The following ATP7B variants were observed in gnomAD, a reference collection of about 807,000 sequenced individuals.
ATP7B encodes copper-transporting ATPase 2.
Under a neutral mutation model 118.9 loss-of-function variants are expected in ATP7B, and 113 were observed. That is an observed-to-expected ratio of 0.95 (90% confidence interval 0.82 to 1.11). ATP7B has a LOEUF of 1.11. Ranked by LOEUF, ATP7B falls within the 50% of genes most tolerant of loss-of-function variation. The probability of loss-of-function intolerance (pLI) is 0.00; values close to 1 mark genes in which losing one functional copy is unlikely to be tolerated. For synonymous variants in ATP7B, 777 were observed against 727.4 expected (o/e 1.07, Z -1.10); for missense variants, 1,867 against 1,871.4 (o/e 1.00, Z 0.04).
At position 51,949,774 on chromosome 13, in the gene ATP7B, T is replaced by G. The variant is rs1245497484; in HGVS notation, c.2753A>C (p.Asp918Ala). The G allele has an allele frequency of 1.2e-6, 2 of 1,613,872 alleles. No individual in the cohort carries two copies. The highest frequency in any genetic ancestry group is 1.7e-6 in the Non-Finnish European group (2 of 1,180,028). Residue 918 changes from aspartate (D) to alanine (A), a missense_variant, in exon 12 of 21, where the codon GAC (aspartate) becomes GCC (alanine). Transcript: ENST00000242839. ...MSKAPIQQLADRFSGYFVPFI... is the reference protein window; with the variant it reads ...MSKAPIQQLAARFSGYFVPFI... Reference sequence around the variant, plus strand: ...TGGGACAAAATATCCACTAAACCGGTCAGCCAGCTGCTGAATGGGTGCCTA... The same window carrying G: ...TGGGACAAAATATCCACTAAACCGGGCAGCCAGCTGCTGAATGGGTGCCTA...
chr13:51,996,986 C>T (rs1432454336), intron 1 of ATP7B, among the ~76,000 whole-genome samples: 1 of 152,186 alleles, frequency 6.6e-6, no homozygotes, highest in African/African-American at 2.4e-5. Context: ...TGCTAAAGGC[C>T]TTGAGCCCCA....
intron 1 of ATP7B, among the ~76,000 whole-genome samples, chr13:52,009,495 C>A (rs772163605): frequency 5.9e-5 from 9 of 152,168 alleles, no homozygotes; most frequent in Non-Finnish European, 1.3e-4. Flanking sequence ...CTGTTTTTGG[C>A]CAAGCTTAGA....
At position 51,932,873 on chromosome 13, in the gene ATP7B, T is replaced by C. The variant is rs1238126618; in HGVS notation, c.*1883A>G. On this transcript the variant is annotated 3_prime_UTR_variant, in exon 21 of 21. Transcript: ENST00000242839. ...TAAAAATCAACAGAATTAGATTCTT[T>C]AGATAATGATCAGCCTAGTCAGAAA... The C allele has an allele frequency of 1.3e-5, 2 of 152,192 alleles. No individual in the cohort carries two copies. The highest frequency in any genetic ancestry group is 4.8e-5 in the African/African-American group (2 of 41,440). The allele number at this position is 152,192 out of a possible 1,614,324, so 9.4% of individuals were successfully genotyped here. A position where few individuals can be genotyped will look rare whatever the true frequency, so the allele number is the denominator to read the frequency against.
rs532259736 is a variant in ATP7B, at chr13:51,992,131, T to TA, written c.52-16964dup. On this transcript the variant is annotated intron_variant, in intron 1 of 20. Transcript: ENST00000242839. ...TGTACTCTGCATTGTGTAAGAAATG[T>TA]AAAAAAAAAAAAAAAGAAATGTAAA... Among the ~76,000 whole-genome samples the TA allele has an allele frequency of 7.3e-3, 913 of 125,420 alleles. 7 individuals are homozygous for TA. The highest frequency in any genetic ancestry group is 0.042 in the East Asian group (193 of 4,560). 82.3% of individuals were successfully genotyped at this position (125,420 alleles called of 152,430 possible).
At chr13:51,989,020 C>G (rs968951437) in intron 1 of ATP7B, among the ~76,000 whole-genome samples, 1 of 151,938 alleles carries the variant, frequency 6.6e-6, no homozygotes, top group Non-Finnish European at 1.5e-5. Context: ...CAAACCTGCA[C>G]GTTCTGCACA....
intron 1 of ATP7B, among the ~76,000 whole-genome samples, chr13:51,991,685 C>T (rs1304578007): frequency 1.3e-5 from 2 of 152,106 alleles, no homozygotes; most frequent in African/African-American, 2.4e-5. Flanking sequence ...TAAGGAGGGG[C>T]TAGAGAAGGG....
At chr13:51,951,881 G>A (rs760502651) in intron 9 of ATP7B, among the ~76,000 whole-genome samples, 19 of 152,212 alleles carry the variant, frequency 1.2e-4, no homozygotes, top group Non-Finnish European at 1.8e-4. Flanking sequence ...AAATACTGGT[G>A]AGAGACTGAA....
In ATP7B at chr13:51,969,260, G is replaced by C. The variant is rs931877209; in HGVS notation, c.1544-653C>G. Among the ~76,000 whole-genome samples the C allele has an allele frequency of 5.9e-5, 9 of 152,034 alleles. 2 individuals carry two copies. In the South Asian group the frequency reaches 1.9e-3, roughly 32 times the overall value. On this transcript the variant is annotated intron_variant, in intron 3 of 20. Coordinates refer to ENST00000242839, the MANE Select transcript of ATP7B (RefSeq NM_000053.4). ...ATCACCCGAGGACCTTGTTAAAATA[G>C]AGCTTCTGACTAGTCGGTCTAGGAT...
chr13:51,965,603 T>A (rs1030713151), intron 4 of ATP7B, among the ~76,000 whole-genome samples: 1 of 152,016 alleles, frequency 6.6e-6, no homozygotes, highest in South Asian at 2.1e-4. Flanking sequence ...AAATAGGCTA[T>A]TGACAAGTGA....
intron 20 of ATP7B, 125 bp from the exon 21 acceptor site, chr13:51,935,154 C>G: frequency 7.3e-7 from 1 of 1,364,196 alleles, no homozygotes; most frequent in Non-Finnish European, 1.0e-6. Context: ...TCAAGAGTTT[C>G]CAAGGAAAAG....
chr13:51,965,592 C>A (rs768086292), intron 4 of ATP7B, among the ~76,000 whole-genome samples: 2 of 152,068 alleles, frequency 1.3e-5, no homozygotes, highest in Non-Finnish European at 2.9e-5. Flanking sequence ...TCCCAAGGTA[C>A]AAATAGGCTA....
Position 51,946,418 on chromosome 13 carries a change from T to C in ATP7B, c.2926A>G (p.Ile976Val). ...GGGCAGGCAATGCACAGCACCGTGA[T>C]GGACGTCTGGAAAGCAAACCGGATG... The part of the protein sequence containing the change: ...VIIRFAFQTS[I>V]TVLCIACPCS... Residue 976 changes from isoleucine to valine, a missense_variant, in exon 13 of 21, where the codon ATC becomes GTC. Physicochemically the swap from Ile to Val is conservative, Grantham distance 29. Coordinates refer to ENST00000242839, the MANE Select transcript of ATP7B (RefSeq NM_000053.4). 1 of 1,614,184 alleles carries C rather than the reference T, an allele frequency of 6.2e-7. No individual in the cohort carries two copies. The highest frequency in any genetic ancestry group is 8.5e-7 in the Non-Finnish European group (1 of 1,180,036).
rs756826065 is a variant in ATP7B at position 51,934,990 on chromosome 13, C to A, written c.4164G>T (p.Ala1388=). ...KPDLERYEAQ[A]HGHMKPLTAS... is the part of the protein sequence containing the mutation. The stretch of plus-strand genomic sequence containing the variant: ...CCGTCAGGGGCTTCATGTGGCCATG[C>A]GCCTGTGCCTCATACCTCTCCAGGT... Residue 1388 remains alanine (A), a synonymous_variant, in exon 21 of 21, where the codon GCG becomes GCT. Transcript: ENST00000242839. 3 of 1,613,866 alleles carry A rather than the reference C, an allele frequency of 1.9e-6. No homozygotes were observed. Among genetic ancestry groups the A allele is most frequent in the African/African-American group, 2.7e-5 (2 of 74,904 alleles).
chr13:52,005,949 G>A (rs1324845683), intron 1 of ATP7B, among the ~76,000 whole-genome samples: 1 of 152,210 alleles, frequency 6.6e-6, no homozygotes, highest in African/African-American at 2.4e-5. Flanking sequence ...GGGTTTACTG[G>A]AATGAAGGCA....
intron 1 of ATP7B, among the ~76,000 whole-genome samples, chr13:51,987,972 C>T (rs1349998121): frequency 6.6e-6 from 1 of 152,138 alleles, no homozygotes; most frequent in Non-Finnish European, 1.5e-5. Flanking sequence ...AAAACATAGG[C>T]AGTACCATTC....
intron 1 of ATP7B, chr13:51,979,071 G>A (rs1326059390): frequency 1.3e-5 from 2 of 152,270 alleles, no homozygotes; most frequent in Non-Finnish European, 1.5e-5. Context: ...TCTGGGTACT[G>A]AGAGGGAGTG....
At chr13:51,988,448 A>G (rs1593834991) in intron 1 of ATP7B, among the ~76,000 whole-genome samples, 2 of 152,336 alleles carry the variant, frequency 1.3e-5, no homozygotes, top group East Asian at 3.9e-4. Context: ...ACACTTTTAC[A>G]CTATTGGTGG....
At chr13:51,942,690 G>C in intron 14 of ATP7B, 136 bp from the exon 15 acceptor site, 1 of 1,003,898 alleles carries the variant, frequency 1.0e-6, no homozygotes, top group East Asian at 2.6e-5. Context: ...AGAAAGGAGG[G>C]GAGGGAGGTG....
chr13:51,967,828 T>C (rs781220827), intron 4 of ATP7B, among the ~76,000 whole-genome samples: 34 of 152,224 alleles, frequency 2.2e-4, no homozygotes, highest in Non-Finnish European at 4.4e-4. Context: ...CTTTCAAACA[T>C]AGCATGTTCT....
Sources: allele counts gnomAD v4.1 joint callset (sites outside exome capture counted in the v4.1 genomes callset), GRCh38; gene constraint gnomAD v4.1.1; transcripts MANE v1.5; gene names NCBI Gene and HGNC (gene_info 2026-07-23, HGNC 2026-07-21).